The following SCML2 variants were observed in gnomAD, a reference collection of about 807,000 sequenced individuals.
The protein encoded by SCML2 is Scm polycomb group protein like 2.
A neutral mutation model predicts 48.4 loss-of-function variants in SCML2; 6 were observed. That is an observed-to-expected ratio of 0.12 (90% CI 0.07 to 0.24). The LOEUF is 0.24. Ranked by LOEUF, SCML2 falls within the 10% of genes least tolerant of loss-of-function variation. SCML2 has a pLI of 1.00. For missense variants in SCML2, 377 were observed against 528.2 expected (o/e 0.71, Z 2.81); for synonymous variants, 181 against 189.5 (o/e 0.95, Z 0.37).
intron 1 of SCML2, among the ~76,000 whole-genome samples, chrX:18,347,630 A>G (rs1382598846): frequency 2.0e-5 from 2 of 99,809 alleles, no homozygotes; most frequent in Non-Finnish European, 4.0e-5. Context: ...TGGCTGAGGC[A>G]TGAAAATTGC....
intron 1 of SCML2, among the ~76,000 whole-genome samples, chrX:18,350,576 G>A (rs1441979373): frequency 4.6e-5 from 4 of 87,838 alleles, no homozygotes; most frequent in African/African-American, 1.3e-4. Context: ...ACTCCATCTC[G>A]GAAAAAAAAA....
intron 7 of SCML2, among the ~76,000 whole-genome samples, chrX:18,275,737 G>A (rs928240527): frequency 8.9e-6 from 1 of 112,378 alleles, no homozygotes; most frequent in African/African-American, 3.2e-5. Context: ...AATTCAGGGT[G>A]TTTATGCATT....
chrX:18,323,144 C>T (rs1289223539), intron 5 of SCML2, among the ~76,000 whole-genome samples: 1 of 111,674 alleles, frequency 9.0e-6, no homozygotes, highest in East Asian at 2.8e-4. Context: ...GCCCACCATT[C>T]ACTCAAAGTA....
chrX:18,274,223 G>T (rs1394782592), intron 7 of SCML2, among the ~76,000 whole-genome samples: 1 of 111,486 alleles, frequency 9.0e-6, no homozygotes, highest in Non-Finnish European at 1.9e-5. Flanking sequence ...GCTGCCATGG[G>T]GCCCCCATGG....
intron 6 of SCML2, among the ~76,000 whole-genome samples, chrX:18,307,307 G>A (rs998892469): frequency 4.5e-5 from 5 of 110,681 alleles, no homozygotes; most frequent in African/African-American, 1.6e-4. Context: ...AATCCACCCT[G>A]AAAGCTGGCA....
At chrX:18,324,868 T>C (rs375305659) in intron 4 of SCML2, 39 bp downstream of exon 4, 26 of 994,086 alleles carry the variant, frequency 2.6e-5, no homozygotes, top group East Asian at 1.8e-4. Flanking sequence ...AACAAGTTAA[T>C]AGTTTACATT....
At chrX:18,272,878 T>C (rs1927506147) in intron 7 of SCML2, among the ~76,000 whole-genome samples, 1 of 112,008 alleles carries the variant, frequency 8.9e-6, no homozygotes, top group South Asian at 3.7e-4. Context: ...CCTTCTCTAT[T>C]TCCTTTTAAG....
At chrX:18,271,239 A>G (rs1927448182) in intron 7 of SCML2, among the ~76,000 whole-genome samples, 1 of 111,150 alleles carries the variant, frequency 9.0e-6, no homozygotes, top group African/African-American at 3.3e-5. Flanking sequence ...TATGAGGTAG[A>G]TATTGTTTCC....
chrX:18,279,159 T>G (rs1927743143), intron 7 of SCML2, among the ~76,000 whole-genome samples: 1 of 112,858 alleles, frequency 8.9e-6, no homozygotes, highest in South Asian at 3.6e-4. Context: ...AGCATGCCTG[T>G]GGACACGAGG....
rs1173634336 is a variant in SCML2 at position 18,324,993 on chromosome X, G to A, written c.92-16C>T. On this transcript the variant is annotated splice_polypyrimidine_tract_variant and intron_variant, in intron 3 of 14. Coordinates refer to ENST00000251900, the MANE Select transcript of SCML2 (RefSeq NM_006089.3). ...TGGAAATCATCTGGAAAAAACACAT[G>A]TGCAAAATAGTTTCTTAAAGCATAT... 3 of 1,125,374 alleles carry A rather than the reference G, an allele frequency of 2.7e-6. No individual in the cohort carries two copies. The highest frequency in any genetic ancestry group is 6.0e-5 in the East Asian group (2 of 33,222). The allele number at this position is 1,125,374 out of a possible 1,213,427, so 92.7% of individuals were successfully genotyped here. A position where few individuals can be genotyped will look rare whatever the true frequency, so the allele number is the denominator to read the frequency against.
At chrX:18,310,260 CTTTTT>C (rs773391164) in intron 6 of SCML2, among the ~76,000 whole-genome samples, 1 of 62,368 alleles carries the variant, frequency 1.6e-5, no homozygotes, top group Non-Finnish European at 2.8e-5. Context: ...AACCACCTCC[CTTTTT>C]TTTTTTTTTT....
chrX:18,246,905 T>C, intron 12 of SCML2, 77 bp from the exon 13 acceptor site: 1 of 995,304 alleles, frequency 1.0e-6, no homozygotes, highest in Non-Finnish European at 1.4e-6. Flanking sequence ...AAAAATCTCA[T>C]CCCTAGCAAT....
intron 1 of SCML2, among the ~76,000 whole-genome samples, chrX:18,339,258 C>T (rs761281146): frequency 2.7e-5 from 3 of 112,162 alleles, no homozygotes; most frequent in African/African-American, 9.7e-5. Flanking sequence ...AGACATATCA[C>T]TATCAAAGAA....
At chrX:18,343,246 A>G (rs1485806223) in intron 1 of SCML2, among the ~76,000 whole-genome samples, 1 of 106,868 alleles carries the variant, frequency 9.4e-6, no homozygotes, top group Non-Finnish European at 1.9e-5. Flanking sequence ...CTACCTGAAG[A>G]GTAGTGATCT....
At chrX:18,336,799 T>TA (rs200817609) in intron 1 of SCML2, among the ~76,000 whole-genome samples, 4,705 of 110,855 alleles carry the variant, frequency 0.042, 256 homozygotes, top group African/African-American at 0.15. Flanking sequence ...AAAGCAGACT[T>TA]AGATTCGTTG....
Position 18,314,310 on chromosome X carries a change from T to C in SCML2, c.486+6022A>G, listed in dbSNP as rs185842394. Reference sequence around the variant, plus strand: ...AGTTTTCCTCCTCCATTTCTAGAGCTGCTCCTATCCCTTTACCCACCCTAT... The same window carrying C: ...AGTTTTCCTCCTCCATTTCTAGAGCCGCTCCTATCCCTTTACCCACCCTAT... On this transcript the variant is annotated intron_variant, in intron 6 of 14. Coordinates refer to ENST00000251900, the MANE Select transcript of SCML2 (RefSeq NM_006089.3). Among the ~76,000 whole-genome samples, 40 of 111,596 alleles carry C rather than the reference T, an allele frequency of 3.6e-4. No homozygotes were observed. The East Asian group carries it at 9.9e-3, about 28-fold the overall frequency.
chrX:18,304,305 G>A (rs1184004936), intron 7 of SCML2, among the ~76,000 whole-genome samples: 1 of 111,900 alleles, frequency 8.9e-6, no homozygotes, highest in African/African-American at 3.3e-5. Context: ...AGAAGACCAG[G>A]TTAGGCATAT....
At chrX:18,348,079 A>C (rs1365012411) in intron 1 of SCML2, among the ~76,000 whole-genome samples, 5 of 112,222 alleles carry the variant, frequency 4.5e-5, no homozygotes, top group Non-Finnish European at 7.5e-5. Context: ...ATGTCAGAAA[A>C]CAGATAAACG....
chrX:18,349,189 G>C (rs1930294314), intron 1 of SCML2, among the ~76,000 whole-genome samples: 1 of 112,163 alleles, frequency 8.9e-6, no homozygotes, highest in Non-Finnish European at 1.9e-5. Flanking sequence ...GTTTACAACA[G>C]TACGTTACCA....
Sources: gnomAD v4.1 joint callset for allele counts (sites outside exome capture counted in the v4.1 genomes callset) on GRCh38, gnomAD v4.1.1 for gene constraint, MANE v1.5 for transcripts, NCBI Gene and HGNC (gene_info 2026-07-23, HGNC 2026-07-21) for gene names.